Variants in C13orf46 observed in about 807,000 individuals in gnomAD.
The protein encoded by C13orf46 is chromosome 13 open reading frame 46.
intron 1 of C13orf46, among the ~76,000 whole-genome samples, chr13:113,972,842 G>A (rs2052723317): frequency 6.6e-6 from 1 of 152,152 alleles, no homozygotes; most frequent in Non-Finnish European, 1.5e-5. Context: ...GCTGGCTTCG[G>A]AGGCCCATGA....
chr13:113,928,071 T>C, the C13orf46 span: 2 of 156,788 alleles, frequency 1.3e-5, no homozygotes, highest in Non-Finnish European at 2.8e-5. Context: ...TGTTCAAGTA[T>C]TTAAAAGGGA....
At chr13:113,958,424 T>G (rs985567029) in intron 6 of C13orf46, among the ~76,000 whole-genome samples, 32 of 152,216 alleles carry the variant, frequency 2.1e-4, no homozygotes, top group African/African-American at 7.7e-4. Context: ...ACAAGGGCCC[T>G]GCCTCCGTCC....
intron 6 of C13orf46, among the ~76,000 whole-genome samples, chr13:113,961,826 C>T (rs1000083709): frequency 2.5e-4 from 38 of 151,674 alleles, no homozygotes; most frequent in Middle Eastern, 6.8e-3. Flanking sequence ...CAGAGCTGTG[C>T]GTGATCTGTG....
downstream of C13orf46, among the ~76,000 whole-genome samples, chr13:113,952,178 C>T (rs1385031634): frequency 3.3e-5 from 5 of 152,264 alleles, no homozygotes; most frequent in Middle Eastern, 3.4e-3. Flanking sequence ...GCCAGTGGCA[C>T]GGACACAGGT....
intron 5 of C13orf46, among the ~76,000 whole-genome samples, chr13:113,966,845 G>A (rs1182649707): frequency 1.3e-5 from 2 of 152,038 alleles, no homozygotes; most frequent in Non-Finnish European, 1.5e-5. Flanking sequence ...CTGGGTGTGA[G>A]GCACTGCTCT....
chr13:113,931,411 G>T, the C13orf46 span, among the ~76,000 whole-genome samples: 1 of 152,324 alleles, frequency 6.6e-6, no homozygotes, highest in African/African-American at 2.4e-5. Context: ...TAGTCCAGGC[G>T]AGAGAGGCTC....
chr13:113,972,017 G>A (rs896706852), intron 1 of C13orf46, among the ~76,000 whole-genome samples: 8 of 152,084 alleles, frequency 5.3e-5, no homozygotes, highest in East Asian at 1.9e-4. Flanking sequence ...CAGGACAAGC[G>A]GCCACACAGA....
chr13:113,942,132 T>C, the C13orf46 span, among the ~76,000 whole-genome samples: 4 of 152,240 alleles, frequency 2.6e-5, no homozygotes, highest in East Asian at 3.8e-4. Flanking sequence ...GCCGTGCTGA[T>C]TGCAAACCAC....
intron 6 of C13orf46, among the ~76,000 whole-genome samples, chr13:113,961,936 G>C (rs2052590204): frequency 6.6e-6 from 1 of 151,952 alleles, no homozygotes; most frequent in South Asian, 2.1e-4. Flanking sequence ...GGCTACTCTG[G>C]AACTATGAAG....
downstream of C13orf46, among the ~76,000 whole-genome samples, chr13:113,951,971 A>G (rs1283780561): frequency 6.6e-6 from 1 of 152,220 alleles, no homozygotes; most frequent in East Asian, 1.9e-4. Context: ...ATCTATATGC[A>G]CAGGGATTGA....
intron 6 of C13orf46, among the ~76,000 whole-genome samples, chr13:113,957,354 A>C (rs1159639485): frequency 1.2e-4 from 13 of 107,140 alleles, no homozygotes; most frequent in South Asian, 3.3e-4. Context: ...GCACCTCTGC[A>C]TGCACCCCCT....
At chr13:113,965,253 T>G (rs2052624609) in intron 5 of C13orf46, among the ~76,000 whole-genome samples, 1 of 152,140 alleles carries the variant, frequency 6.6e-6, no homozygotes. Context: ...CCTCCTTGAG[T>G]CCTTAGAACT....
chr13:113,934,350 T>G, the C13orf46 span, among the ~76,000 whole-genome samples: 1 of 152,208 alleles, frequency 6.6e-6, no homozygotes, highest in African/African-American at 2.4e-5. Flanking sequence ...AGGAGTACAA[T>G]CGCTGGGTCA....
At chr13:113,960,876 G>C (rs1042804755) in intron 6 of C13orf46, among the ~76,000 whole-genome samples, 1 of 152,176 alleles carries the variant, frequency 6.6e-6, no homozygotes. Flanking sequence ...AGGTTTTTCT[G>C]TACCTTTTGG....
intron 4 of C13orf46, 24 bp from the exon 5 acceptor site, chr13:113,967,412 G>A (rs1479760382): frequency 3.3e-5 from 5 of 152,322 alleles, no homozygotes; most frequent in African/African-American, 1.2e-4. Context: ...CCACAGAGGT[G>A]TGGATGGCAG....
At chr13:113,936,426 G>C in the C13orf46 span, among the ~76,000 whole-genome samples, 1 of 152,170 alleles carries the variant, frequency 6.6e-6, no homozygotes, top group African/African-American at 2.4e-5. Context: ...CTGGCTCAAA[G>C]GAGCCAAGGC....
chr13:113,947,413 G>C, the C13orf46 span, among the ~76,000 whole-genome samples: 4 of 152,168 alleles, frequency 2.6e-5, no homozygotes, highest in African/African-American at 9.7e-5. Flanking sequence ...CACTGCTGCC[G>C]TCTGCTGTCG....
At chr13:113,952,748 G>C (rs1268870505), downstream of C13orf46, among the ~76,000 whole-genome samples, 1 of 152,222 alleles carries the variant, frequency 6.6e-6, no homozygotes, top group African/African-American at 2.4e-5. Flanking sequence ...GATTTGCTGA[G>C]CTCAGGGCTG....
chr13:113,972,639 TCA>T (rs1491038940), intron 1 of C13orf46, among the ~76,000 whole-genome samples: 4 of 152,146 alleles, frequency 2.6e-5, no homozygotes, highest in Admixed American at 2.0e-4. Context: ...TGGAAACATC[TCA>T]GAGTGGCGAG....
Sources: allele counts gnomAD v4.1 joint callset (sites outside exome capture counted in the v4.1 genomes callset), GRCh38; gene constraint gnomAD v4.1.1; transcripts MANE v1.5; gene names NCBI Gene and HGNC (gene_info 2026-07-23, HGNC 2026-07-21).